Variants in ACTN2 observed in about 807,000 individuals in gnomAD.
ACTN2 encodes the protein actinin alpha 2.
A neutral mutation model predicts 113.8 loss-of-function variants in ACTN2; 39 were observed. The observed-to-expected ratio is 0.34, with a 90% CI of 0.27 to 0.45. The LOEUF (loss-of-function observed/expected upper bound fraction) is 0.45, where lower values mean the gene tolerates loss of function less well. ACTN2 is among the 20% of genes least tolerant of loss of function. The pLI is 1.00. For synonymous variants in ACTN2, 429 were observed against 444.1 expected (o/e 0.97, Z 0.43); for missense variants, 992 against 1,177.9 (o/e 0.84, Z 2.31).
At chr1:236,718,004 A>G (rs371708337) in intron 2 of ACTN2, 32 bp downstream of exon 2, 483 of 1,514,674 alleles carry the variant, frequency 3.2e-4, no homozygotes, top group Non-Finnish European at 4.4e-4. Context: ...CTATGCTTTC[A>G]TGTGTTATCA....
chr1:236,737,391 T>TA (rs2102919923), intron 9 of ACTN2, among the ~76,000 whole-genome samples, 177 bp downstream of exon 9: 1 of 146,706 alleles, frequency 6.8e-6, no homozygotes, highest in South Asian at 2.2e-4. Flanking sequence ...CCTATTGTAG[T>TA]AACCTAACTT....
Position 236,753,835 on chromosome 1 carries a change from G to A in ACTN2, c.1840-112G>A, listed in dbSNP as rs766629423. ...CTTCCCCCTACACCCTCCTCCCTTC[G>A]TTTCTCCTTCTCCACTCCCACCCCC... On this transcript the variant is annotated intron_variant, in intron 15 of 20. Coordinates refer to ENST00000366578, the MANE Select transcript of ACTN2 (RefSeq NM_001103.4). 3.4e-5 allele frequency: 43 copies of A among 1,274,390 alleles called. No homozygotes were observed. In the African/African-American group the frequency reaches 5.1e-4, roughly 15 times the overall value. 78.9% of individuals were successfully genotyped at this position (1,274,390 alleles called of 1,614,324 possible).
chr1:236,723,837 A>C (rs1215615129), intron 4 of ACTN2, among the ~76,000 whole-genome samples: 3 of 152,170 alleles, frequency 2.0e-5, no homozygotes, highest in Admixed American at 1.3e-4. Context: ...CTAAGATGGA[A>C]GGCCCCATGT....
At chr1:236,717,052 C>T (rs1417339293) in intron 1 of ACTN2, among the ~76,000 whole-genome samples, 1 of 114,654 alleles carries the variant, frequency 8.7e-6, no homozygotes, top group Non-Finnish European at 1.8e-5. Flanking sequence ...TCAGGCTGGT[C>T]TCGAACTCCT....
intron 1 of ACTN2, among the ~76,000 whole-genome samples, chr1:236,713,363 G>C (rs1658103804): frequency 6.6e-6 from 1 of 152,070 alleles, no homozygotes; most frequent in South Asian, 2.1e-4. Flanking sequence ...GAGTAGCTGG[G>C]ATTACAGGTG....
intron 1 of ACTN2, among the ~76,000 whole-genome samples, chr1:236,706,450 C>T (rs537711453): frequency 1.1e-4 from 17 of 152,122 alleles, no homozygotes; most frequent in African/African-American, 1.9e-4. Context: ...CATGGGGCCT[C>T]GGAAAATGCT....
chr1:236,725,862 A>G (rs2102904164), intron 4 of ACTN2, 71 bp from the exon 5 acceptor site: 2 of 1,443,644 alleles, frequency 1.4e-6, no homozygotes, highest in Non-Finnish European at 2.0e-6. Flanking sequence ...GGTCTGTTTC[A>G]AAAGTGACTA....
At position 236,733,737 on chromosome 1, in the gene ACTN2, A is replaced by G. The variant is rs74889106; in HGVS notation, c.698-1898A>G. Among the ~76,000 whole-genome samples, 22 of 152,144 alleles carry G rather than the reference A, an allele frequency of 1.4e-4. No individual in the cohort carries two copies. The East Asian group carries it at 3.3e-3, about 23-fold the overall frequency. On this transcript the variant is annotated intron_variant, in intron 7 of 20. Transcript: ENST00000366578. ...AAATTTCTGCTGCTCTTTGATGGTA[A>G]TGTCAGGTCCAGGTCTCCTCAGATC...
At chr1:236,737,094 C>A (rs541345669) in intron 8 of ACTN2, 28 bp from the exon 9 acceptor site, 1 of 1,576,994 alleles carries the variant, frequency 6.3e-7, no homozygotes, top group South Asian at 1.1e-5. Context: ...TCGACAGAGC[C>A]GTCCTGTTTA....
At chr1:236,711,588 G>A (rs1658027665) in intron 1 of ACTN2, among the ~76,000 whole-genome samples, 1 of 152,150 alleles carries the variant, frequency 6.6e-6, no homozygotes, top group Non-Finnish European at 1.5e-5. Flanking sequence ...GGCCTCAAGT[G>A]ATCCACCCAC....
At chr1:236,719,964 G>A (rs1053692426) in intron 3 of ACTN2, 141 bp from the exon 4 acceptor site, 10 of 674,336 alleles carry the variant, frequency 1.5e-5, no homozygotes, top group East Asian at 8.1e-5. Flanking sequence ...GACATACTGC[G>A]GTGCTTATAA....
intron 5 of ACTN2, among the ~76,000 whole-genome samples, chr1:236,726,934 G>A (rs2102905411): frequency 6.6e-6 from 1 of 152,290 alleles, no homozygotes; most frequent in Admixed American, 6.5e-5. Context: ...CTGGCTCCTA[G>A]TTGGCCCAAG....
chr1:236,720,277 A>G (rs1263588574), intron 4 of ACTN2, 86 bp downstream of exon 4: 2 of 1,053,588 alleles, frequency 1.9e-6, no homozygotes, highest in African/African-American at 3.1e-5. Context: ...TTAAAGTCCA[A>G]CAGTCACTTA....
Position 236,686,522 on chromosome 1 carries a change from C to A in ACTN2, c.-152C>A. 1.3e-5 allele frequency: 11 copies of A among 871,054 alleles called. No individual in the cohort carries two copies. The highest frequency in any genetic ancestry group is 1.7e-5 in the Non-Finnish European group (11 of 661,336). The allele number at this position is 871,054 out of a possible 1,614,324, so 54.0% of individuals were successfully genotyped here. On this transcript the variant is annotated 5_prime_UTR_variant, in exon 1 of 21. Coordinates refer to ENST00000366578, the MANE Select transcript of ACTN2 (RefSeq NM_001103.4). Reference sequence around the variant, plus strand: ...CCGGAGCTGGTGCTTCGCCCGAGACCCAGCGCCCAGGCGTGTCGCCCCGAG... The same window carrying A: ...CCGGAGCTGGTGCTTCGCCCGAGACACAGCGCCCAGGCGTGTCGCCCCGAG...
At chr1:236,731,130 G>A in intron 6 of ACTN2, 103 bp from the exon 7 acceptor site, 1 of 806,076 alleles carries the variant, frequency 1.2e-6, no homozygotes, top group Non-Finnish European at 2.2e-6. Context: ...TTGTGTGTGG[G>A]TGGGAAGGTG....
chr1:236,739,909 A>G (rs1315421768), intron 10 of ACTN2, among the ~76,000 whole-genome samples: 1 of 151,396 alleles, frequency 6.6e-6, no homozygotes, highest in Admixed American at 6.6e-5. Context: ...TCCTCCATTT[A>G]TCTCCCTCTC....
At chr1:236,758,469 T>C (rs1313465182) in intron 18 of ACTN2, among the ~76,000 whole-genome samples, 1 of 147,426 alleles carries the variant, frequency 6.8e-6, no homozygotes, top group Non-Finnish European at 1.5e-5. Context: ...TTTTTTTTTT[T>C]CAGTAGAGAC....
intron 1 of ACTN2, among the ~76,000 whole-genome samples, chr1:236,712,843 G>T (rs1434813497): frequency 6.6e-6 from 1 of 151,562 alleles, no homozygotes; most frequent in African/African-American, 2.4e-5. Context: ...AGCAATATTT[G>T]CCCACTTTTT....
intron 4 of ACTN2, among the ~76,000 whole-genome samples, chr1:236,724,176 G>T (rs758685451): frequency 6.7e-6 from 1 of 149,744 alleles, no homozygotes; most frequent in Non-Finnish European, 1.5e-5. Context: ...TTGATGTGCC[G>T]CACGTGGTGG....
Sources: gnomAD v4.1 joint callset for allele counts (sites outside exome capture counted in the v4.1 genomes callset) on GRCh38, gnomAD v4.1.1 for gene constraint, MANE v1.5 for transcripts, NCBI Gene and HGNC (gene_info 2026-07-23, HGNC 2026-07-21) for gene names.